BIN1: variants seen among roughly 807,000 people sequenced by gnomAD.
BIN1 encodes myc box-dependent-interacting protein 1.
Under a neutral mutation model 82.0 loss-of-function variants are expected in BIN1, and 53 were observed. The ratio of observed to expected loss-of-function variants is 0.65; its 90% CI spans 0.52 to 0.81. BIN1 has a LOEUF of 0.81. Among genes scored for constraint, BIN1 ranks in the 40% least tolerant of loss-of-function variants. The pLI, the probability that BIN1 is intolerant of heterozygous loss-of-function variation, is 0.00. For synonymous variants in BIN1, 302 were observed against 328.0 expected (o/e 0.92, Z 0.86); for missense variants, 642 against 784.4 (o/e 0.82, Z 2.17).
intron 15 of BIN1, 105 bp from the exon 16 acceptor site, chr2:127,051,348 A>T: frequency 8.5e-7 from 1 of 1,173,008 alleles, no homozygotes; most frequent in Non-Finnish European, 1.2e-6. Context: ...GGCCGGGGGC[A>T]TCGCCTGGCT....
At chr2:127,051,592 C>T (rs893404446) in intron 15 of BIN1, among the ~76,000 whole-genome samples, 1 of 152,200 alleles carries the variant, frequency 6.6e-6, no homozygotes, top group African/African-American at 2.4e-5. Context: ...CCACCACCCG[C>T]CCACCCTGCT....
intron 16 of BIN1, 110 bp downstream of exon 16, chr2:127,051,044 C>T (rs1479921768): frequency 2.0e-6 from 3 of 1,531,306 alleles, no homozygotes; most frequent in Non-Finnish European, 2.7e-6. Flanking sequence ...CTCCAGCTTC[C>T]TCAACAGGAG....
intron 1 of BIN1, among the ~76,000 whole-genome samples, chr2:127,078,430 G>C (rs1686893384): frequency 6.6e-6 from 1 of 152,174 alleles, no homozygotes; most frequent in Non-Finnish European, 1.5e-5. Flanking sequence ...AGAGGGGAGA[G>C]GTTGCAACAA....
At chr2:127,063,368 C>T (rs1226316682) in intron 9 of BIN1, among the ~76,000 whole-genome samples, 1 of 152,210 alleles carries the variant, frequency 6.6e-6, no homozygotes, top group Admixed American at 6.5e-5. Context: ...CTCTCAAAGC[C>T]TCCCCAGCAT....
intron 10 of BIN1, among the ~76,000 whole-genome samples, chr2:127,060,805 C>T (rs1009941443): frequency 1.2e-4 from 18 of 152,158 alleles, no homozygotes; most frequent in Admixed American, 7.8e-4. Flanking sequence ...CGTGCTATCC[C>T]GGGGTGCCCT....
intron 10 of BIN1, 129 bp downstream of exon 10, chr2:127,061,986 C>T (rs1434216411): frequency 9.8e-7 from 1 of 1,021,870 alleles, no homozygotes; most frequent in Admixed American, 2.2e-5. Context: ...GAGGCCAAGA[C>T]AGGAAGGTCC....
rs1381465779 is a variant in BIN1, at chr2:127,048,508, G to A, written c.*18C>T. On this transcript the variant is annotated 3_prime_UTR_variant, in exon 19 of 19. Coordinates refer to ENST00000316724, the MANE Select transcript of BIN1 (RefSeq NM_139343.3). Reference sequence around the variant, plus strand: ...GGAGGTGTTCTTCACACGCCCGGAGGCTGCCTGGGCCCCGCCGTCATGGGA... The same window carrying A: ...GGAGGTGTTCTTCACACGCCCGGAGACTGCCTGGGCCCCGCCGTCATGGGA... 5 of 1,610,822 alleles carry A rather than the reference G, an allele frequency of 3.1e-6. No individual in the cohort carries two copies. In the African/African-American group the frequency reaches 5.3e-5, roughly 17 times the overall value.
At position 127,068,662 on chromosome 2, in the gene BIN1, G is replaced by A. The variant is rs772302512; in HGVS notation, c.519+262C>T. ...GCGGCGCCGTTCCAGGGAAACCCAG[G>A]AGGCCCATTCTCAGGCTGGCAGGTG... is the stretch of plus-strand genomic sequence containing the variant. On this transcript the variant is annotated intron_variant, in intron 6 of 18. Transcript: ENST00000316724. The surrounding 1 kb of genome is among the most constrained non-coding windows in gnomAD (Gnocchi z 4.9). Among the ~76,000 whole-genome samples, 11 of 152,194 alleles carry A rather than the reference G, an allele frequency of 7.2e-5. No homozygotes were observed. The highest frequency in any genetic ancestry group is 1.3e-4 in the Admixed American group (2 of 15,284).
In BIN1 at chr2:127,069,014, C is replaced by A; in HGVS notation, c.429G>T (p.Arg143=). The change falls in exon 6 of 19, where the codon CGG becomes CGT. Residue 143 remains arginine, a synonymous_variant. Coordinates refer to ENST00000316724, the MANE Select transcript of BIN1 (RefSeq NM_139343.3). The part of the protein sequence containing the change: ...FPDIKSRIAK[R]GRKLVDYDSA... The stretch of plus-strand genomic sequence containing the variant: ...TGTCGTAGTCCACCAGCTTGCGCCC[C>A]CGCTTGGCAATGCGTGACTGGGGCA... 1 of 1,614,144 alleles carries A rather than the reference C, an allele frequency of 6.2e-7. No individual in the cohort carries two copies. The highest frequency in any genetic ancestry group is 8.5e-7 in the Non-Finnish European group (1 of 1,180,024).
intron 17 of BIN1, 125 bp from the exon 18 acceptor site, chr2:127,050,647 G>A (rs1682800272): frequency 1.5e-6 from 2 of 1,337,896 alleles, no homozygotes; most frequent in South Asian, 2.4e-5. Context: ...AAAGCAGCAG[G>A]ACAGTATGGG....
intron 1 of BIN1, among the ~76,000 whole-genome samples, chr2:127,078,728 G>GCCCCTC (rs752054430): frequency 3.3e-5 from 5 of 152,250 alleles, no homozygotes; most frequent in Non-Finnish European, 7.4e-5. Context: ...CCCCACTGCT[G>GCCCCTC]CCCCTCCCTG....
At position 127,069,998 on chromosome 2, in the gene BIN1, G is replaced by A. The variant is rs1318881133; in HGVS notation, c.408C>T (p.Ile136=). The part of the protein sequence containing the change: ...MDTYLGQFPD[I]KSRIAKRGRK... ...GATCTGCAAGTGGGTCTCTCACCTT[G>A]ATGTCGGGGAACTGGCCCAGGTACG... Residue 136 remains isoleucine (I), a synonymous_variant, in exon 5 of 19, where the codon ATC becomes ATT. Transcript: ENST00000316724. 6.2e-7 allele frequency: 1 copy of A among 1,613,972 alleles called. No individual in the cohort carries two copies. The highest frequency in any genetic ancestry group is 1.1e-5 in the South Asian group (1 of 91,090).
chr2:127,091,458 G>A (rs1678912842), intron 1 of BIN1, among the ~76,000 whole-genome samples: 2 of 152,274 alleles, frequency 1.3e-5, no homozygotes, highest in African/African-American at 4.8e-5. Context: ...CCAGAGAAGA[G>A]GAGAATGGAC....
Position 127,050,540 on chromosome 2 carries a change from C to G in BIN1, c.1573-18G>C, listed in dbSNP as rs12466912. 62,044 of 1,613,712 alleles carry G rather than the reference C, an allele frequency of 0.038. 2,823 individuals carry two copies. The highest frequency in any genetic ancestry group is 0.17 in the Admixed American group (10,001 of 59,972). The stretch of plus-strand genomic sequence containing the variant: ...GCCTGTACCTGCAGAGGATGCGGAT[C>G]GCAAGTCAGACCTTCCGTCCCACCT... On this transcript the variant is annotated intron_variant, in intron 17 of 18. Transcript: ENST00000316724.
chr2:127,063,794 C>A, intron 8 of BIN1, 139 bp downstream of exon 8: 1 of 1,406,256 alleles, frequency 7.1e-7, no homozygotes, highest in Non-Finnish European at 1.0e-6. Context: ...CTGGACACTG[C>A]AGCACACAGG....
At chr2:127,061,731 T>A (rs1313245425) in intron 10 of BIN1, among the ~76,000 whole-genome samples, 5 of 151,986 alleles carry the variant, frequency 3.3e-5, no homozygotes, top group Non-Finnish European at 7.4e-5. Context: ...GGAAGGGCGG[T>A]GCTATCTCCC....
chr2:127,092,421 G>C (rs1301218032), intron 1 of BIN1, among the ~76,000 whole-genome samples: 3 of 152,152 alleles, frequency 2.0e-5, no homozygotes, highest in Admixed American at 2.0e-4. Flanking sequence ...CATAATCCAG[G>C]TCCCACTAAC....
At position 127,069,731 on chromosome 2, in the gene BIN1, A is replaced by AACACACAC. The variant is rs3832046; in HGVS notation, c.411+256_411+263dup. On this transcript the variant is annotated intron_variant, in intron 5 of 18. Transcript: ENST00000316724. The stretch of plus-strand genomic sequence containing the variant: ...ATCATATAGCCAGCCACTCCGCAGC[A>AACACACAC]ACACACACACACACACACACACACA... 0.038 allele frequency among the ~76,000 whole-genome samples: 5,557 copies of AACACACAC among 147,612 alleles called. 323 individuals carry two copies. Among genetic ancestry groups the AACACACAC allele is most frequent in the African/African-American group, 0.12 (4,828 of 39,652 alleles).
intron 1 of BIN1, among the ~76,000 whole-genome samples, chr2:127,089,340 T>A (rs1230883092): frequency 6.6e-6 from 1 of 152,122 alleles, no homozygotes; most frequent in Non-Finnish European, 1.5e-5. Context: ...TTTTGCAGCC[T>A]GCAAAGCTCC....
Sources: allele counts gnomAD v4.1 joint callset (sites outside exome capture counted in the v4.1 genomes callset), GRCh38; gene constraint gnomAD v4.1.1; non-coding constraint Gnocchi (gnomAD v3.1); transcripts MANE v1.5; gene names NCBI Gene and HGNC (gene_info 2026-07-23, HGNC 2026-07-21).